Variants in SPPL2A observed in about 807,000 individuals in gnomAD.
The protein encoded by SPPL2A is signal peptide peptidase like 2A.
Under a neutral mutation model 63.8 loss-of-function variants are expected in SPPL2A, and 51 were observed. That is an observed-to-expected ratio of 0.80 (90% CI 0.64 to 1.01). The LOEUF (loss-of-function observed/expected upper bound fraction) is 1.01, where lower values mean the gene tolerates loss of function less well. SPPL2A is among the 50% of genes least tolerant of loss of function. SPPL2A has a pLI of 0.00. For synonymous variants in SPPL2A, 188 were observed against 205.8 expected (o/e 0.91, Z 0.74); for missense variants, 553 against 622.7 (o/e 0.89, Z 1.19).
intron 1 of SPPL2A, among the ~76,000 whole-genome samples, chr15:50,761,773 T>C (rs1262278486): frequency 6.6e-6 from 1 of 151,126 alleles, no homozygotes; most frequent in African/African-American, 2.4e-5. Context: ...CCGTTTCTTC[T>C]AAAATACAAA....
At chr15:50,736,029 A>G in intron 8 of SPPL2A, 72 bp downstream of exon 8, 1 of 965,630 alleles carries the variant, frequency 1.0e-6, no homozygotes, top group South Asian at 1.4e-5. Flanking sequence ...CATAATAATC[A>G]TAATAAGTAT....
rs1167311499 is a variant in SPPL2A at position 50,726,176 on chromosome 15, G to GA, written c.1146+144dup. 4 of 1,485,354 alleles carry GA rather than the reference G, an allele frequency of 2.7e-6. No homozygotes were observed. The Admixed American group carries it at 8.2e-5, about 30-fold the overall frequency. 92.0% of individuals were successfully genotyped at this position (1,485,354 alleles called of 1,614,324 possible). A position where few individuals can be genotyped will look rare whatever the true frequency, so the allele number is the denominator to read the frequency against. ...GTATTTAATAATTTAGAATAACTAA[G>GA]AAAAGAGCTATATTTTCTGAGAAAT... On this transcript the variant is annotated intron_variant, in intron 11 of 14. Transcript: ENST00000261854.
intron 10 of SPPL2A, among the ~76,000 whole-genome samples, chr15:50,726,952 A>C (rs2062692456): frequency 6.6e-6 from 1 of 152,194 alleles, no homozygotes; most frequent in Non-Finnish European, 1.5e-5. Context: ...ACTCTCATCC[A>C]ATTTCAGCCC....
At chr15:50,748,527 A>G (rs1163529146) in intron 3 of SPPL2A, among the ~76,000 whole-genome samples, 161 bp downstream of exon 3, 1 of 152,144 alleles carries the variant, frequency 6.6e-6, no homozygotes, top group African/African-American at 2.4e-5. Flanking sequence ...AAAACTTTCC[A>G]AGTAAATGCC....
chr15:50,720,916 A>G (rs1222948652), intron 13 of SPPL2A, among the ~76,000 whole-genome samples: 1 of 152,162 alleles, frequency 6.6e-6, no homozygotes, highest in Non-Finnish European at 1.5e-5. Flanking sequence ...TTTAAAGATG[A>G]GGCAATGGAG....
intron 9 of SPPL2A, among the ~76,000 whole-genome samples, chr15:50,731,937 A>AAAAAAAAAC (rs2062734589): frequency 7.9e-6 from 1 of 126,336 alleles, no homozygotes; most frequent in Non-Finnish European, 1.7e-5. Context: ...CAAAAAAAAA[A>AAAAAAAAAC]AAAAAACCAA....
At chr15:50,742,538 C>A (rs1183676269) in intron 5 of SPPL2A, among the ~76,000 whole-genome samples, 1 of 152,072 alleles carries the variant, frequency 6.6e-6, no homozygotes, top group Non-Finnish European at 1.5e-5. Context: ...CTTCCCTAAG[C>A]CTTACTCTCT....
chr15:50,711,618 A>G (rs2062559384), intron 14 of SPPL2A, among the ~76,000 whole-genome samples: 1 of 152,216 alleles, frequency 6.6e-6, no homozygotes, highest in South Asian at 2.1e-4. Context: ...AAGTATTTCA[A>G]TAAGGTCTCC....
Position 50,703,340 on chromosome 15 carries a change from ATATATACATATATATATTTTTT to A in SPPL2A, c.*4438_*4459del, listed in dbSNP as rs1190618153. ...TTCATATATACATATATATATATAT[ATATATACATATATATATTTTTT>A]TTTTTTTTTTTTTTTTTTGAGATGG... On this transcript the variant is annotated 3_prime_UTR_variant, in exon 15 of 15. Coordinates refer to ENST00000261854, the MANE Select transcript of SPPL2A (RefSeq NM_032802.4). 1 of 84,472 alleles carries A rather than the reference ATATATACATATATATATTTTTT, an allele frequency of 1.2e-5. No homozygotes were observed. The highest frequency in any genetic ancestry group is 1.5e-4 in the Admixed American group (1 of 6,674). The allele number at this position is 84,472 out of a possible 1,614,324, so 5.2% of individuals were successfully genotyped here. A position where few individuals can be genotyped will look rare whatever the true frequency, so the allele number is the denominator to read the frequency against.
Position 50,736,640 on chromosome 15 carries a change from G to A in SPPL2A, c.830+4C>T, listed in dbSNP as rs768114905. ...TTATAAGATTTCCTGTAAGAGATAC[G>A]TACGTGCATTGTCCATATGGTATCT... is the stretch of plus-strand genomic sequence containing the variant. On this transcript the variant is annotated splice_donor_region_variant and intron_variant, in intron 7 of 14. Coordinates refer to ENST00000261854, the MANE Select transcript of SPPL2A (RefSeq NM_032802.4). 57 of 1,480,588 alleles carry A rather than the reference G, an allele frequency of 3.8e-5. No individual in the cohort carries two copies. Among genetic ancestry groups the A allele is most frequent in the South Asian group, 7.0e-5 (6 of 85,374 alleles). The allele number at this position is 1,480,588 out of a possible 1,614,324, so 91.7% of individuals were successfully genotyped here.
intron 6 of SPPL2A, 106 bp downstream of exon 6, chr15:50,739,573 CA>C: frequency 1.4e-6 from 1 of 731,160 alleles, no homozygotes; most frequent in Non-Finnish European, 2.1e-6. Flanking sequence ...CCAAATTATT[CA>C]CATACGTTTT....
chr15:50,753,517 G>C (rs1382720948), intron 1 of SPPL2A, among the ~76,000 whole-genome samples: 2 of 152,112 alleles, frequency 1.3e-5, no homozygotes, highest in East Asian at 3.8e-4. Context: ...TCATTTACTG[G>C]TTATGTTACA....
chr15:50,713,305 C>T (rs2062574362), intron 14 of SPPL2A, among the ~76,000 whole-genome samples: 2 of 149,250 alleles, frequency 1.3e-5, no homozygotes, highest in South Asian at 2.1e-4. Context: ...CTTGCTGTCG[C>T]CCAGGCTAGA....
chr15:50,718,176 ACCGTGTTAGCCAGGAT>A (rs1328299941), intron 14 of SPPL2A, among the ~76,000 whole-genome samples: 1 of 151,602 alleles, frequency 6.6e-6, no homozygotes, highest in Non-Finnish European at 1.5e-5. Context: ...ATGGAGTTTC[ACCGTGTTAGCCAGGAT>A]GGTCTCGATC....
intron 11 of SPPL2A, 73 bp downstream of exon 11, chr15:50,726,248 C>A: frequency 6.5e-7 from 1 of 1,540,850 alleles, no homozygotes; most frequent in Non-Finnish European, 8.9e-7. Flanking sequence ...GTGAATTACA[C>A]AGGAAGGCAA....
intron 1 of SPPL2A, among the ~76,000 whole-genome samples, chr15:50,752,987 T>C (rs1384192555): frequency 6.6e-6 from 1 of 152,160 alleles, no homozygotes. Context: ...GTGATTCATA[T>C]CTACAGATAT....
intron 5 of SPPL2A, among the ~76,000 whole-genome samples, chr15:50,742,228 G>A (rs147046384): frequency 8.5e-5 from 13 of 152,144 alleles, no homozygotes; most frequent in African/African-American, 3.1e-4. Flanking sequence ...TGGCTAACGT[G>A]GTGAAACCAC....
Position 50,710,538 on chromosome 15 carries a change from T to G in SPPL2A, c.1489-2664A>C, listed in dbSNP as rs2141017102. Among the ~76,000 whole-genome samples the G allele has an allele frequency of 2.0e-5, 3 of 152,310 alleles. No individual in the cohort carries two copies. The South Asian group carries it at 6.2e-4, about 32-fold the overall frequency. On this transcript the variant is annotated intron_variant, in intron 14 of 14. Coordinates refer to ENST00000261854, the MANE Select transcript of SPPL2A (RefSeq NM_032802.4). ...AATTAACATAAATAATACAATTAATTGACAAAATTGCCAAACATTTTCATC... is the reference window on the plus strand; with the variant it reads ...AATTAACATAAATAATACAATTAATGGACAAAATTGCCAAACATTTTCATC...
At chr15:50,722,870 C>T (rs1311897370) in intron 12 of SPPL2A, among the ~76,000 whole-genome samples, 2 of 152,122 alleles carry the variant, frequency 1.3e-5, no homozygotes, top group Admixed American at 6.6e-5. Flanking sequence ...GTGAAGAAAA[C>T]ACCTGTGAAA....
Sources: allele counts gnomAD v4.1 joint callset (sites outside exome capture counted in the v4.1 genomes callset), GRCh38; gene constraint gnomAD v4.1.1; transcripts MANE v1.5; gene names NCBI Gene and HGNC (gene_info 2026-07-23, HGNC 2026-07-21).